BBC3: variants seen among roughly 807,000 people sequenced by gnomAD.
The protein encoded by BBC3 is BCL2 binding component 3.
In BBC3, 5 loss-of-function variants were observed where a neutral mutation model predicts 18.2. The observed-to-expected ratio is 0.27, with a 90% confidence interval of 0.14 to 0.58. The LOEUF (loss-of-function observed/expected upper bound fraction) is 0.58, where lower values mean the gene tolerates loss of function less well. Among genes scored for constraint, BBC3 ranks in the 20% least tolerant of loss-of-function variants. The pLI is 0.91. For synonymous variants in BBC3, 119 were observed against 128.0 expected, an observed-to-expected ratio of 0.93 and a Z score of 0.47; for missense variants, 224 against 268.9, an observed-to-expected ratio of 0.83 and a Z score of 1.17.
Position 47,221,660 on chromosome 19 carries a change from C to G in BBC3, c.*142G>C. ...TGGGCTGGGGCTGGAGTGGCTGCCC[C>G]GGCCCGCCCCCGGGACAGGCAGGGC... On this transcript the variant is annotated 3_prime_UTR_variant, in exon 4 of 4. Coordinates refer to ENST00000439096, the MANE Select transcript of BBC3 (RefSeq NM_014417.5). 1 of 1,512,862 alleles carries G rather than the reference C, an allele frequency of 6.6e-7. No individual in the cohort carries two copies. Among genetic ancestry groups the G allele is most frequent in the Non-Finnish European group, 8.8e-7 (1 of 1,132,470 alleles). The allele number at this position is 1,512,862 out of a possible 1,614,324, so 93.7% of individuals were successfully genotyped here.
intron 1 of BBC3, among the ~76,000 whole-genome samples, chr19:47,229,908 T>A (rs1350316070): frequency 6.6e-6 from 1 of 151,832 alleles, no homozygotes; most frequent in African/African-American, 2.4e-5. Context: ...TCACAAACGC[T>A]GGGCAAAAGA....
upstream of BBC3, chr19:47,232,700 A>C (rs576544853): frequency 3.5e-6 from 4 of 1,130,162 alleles, no homozygotes; most frequent in Non-Finnish European, 5.0e-6. Flanking sequence ...CTTTTTCCAA[A>C]GCCGTGGATT....
At chr19:47,229,647 AAC>A (rs142740252) in intron 1 of BBC3, among the ~76,000 whole-genome samples, 37 of 147,360 alleles carry the variant, frequency 2.5e-4, no homozygotes, top group Non-Finnish European at 3.8e-4. Context: ...CCTCAGACCC[AAC>A]ACACACACAC....
Position 47,228,131 on chromosome 19 carries a change from C to G in BBC3, c.274+27G>C, listed in dbSNP as rs1052493543. 1 of 1,227,230 alleles carries G rather than the reference C, an allele frequency of 8.1e-7. No individual in the cohort carries two copies. Among genetic ancestry groups the G allele is most frequent in the Non-Finnish European group, 1.0e-6 (1 of 983,862 alleles). The allele number at this position is 1,227,230 out of a possible 1,614,324, so 76.0% of individuals were successfully genotyped here. A position where few individuals can be genotyped will look rare whatever the true frequency, so the allele number is the denominator to read the frequency against. ...AGCCCTCTCTCTTCCCGGCTCCTAT[C>G]ACCCCGGGGGCGGGGCGGGCACTCA... On this transcript the variant is annotated intron_variant, in intron 2 of 3. Transcript: ENST00000439096. The surrounding 1 kb of genome is among the most constrained non-coding windows in gnomAD (Gnocchi z 5.5).
rs1201944029 is a variant in BBC3, at chr19:47,230,393, T to C, written c.-16+536A>G. On this transcript the variant is annotated intron_variant, in intron 1 of 3. Transcript: ENST00000439096. This position sits in a 1 kb window ranked among gnomAD's most constrained non-coding sequence, Gnocchi z 6.7. Reference sequence around the variant, plus strand: ...GGCGGTCCCAGACACCCCCCTCCGCTGTCACAGCCCCCCCCACCGCCGCCA... The same window carrying C: ...GGCGGTCCCAGACACCCCCCTCCGCCGTCACAGCCCCCCCCACCGCCGCCA... Among the ~76,000 whole-genome samples, 2 of 142,752 alleles carry C rather than the reference T, an allele frequency of 1.4e-5. No homozygotes were observed. The highest frequency in any genetic ancestry group is 6.8e-5 in the Admixed American group (1 of 14,718). 93.7% of individuals were successfully genotyped at this position (142,752 alleles called of 152,430 possible).
chr19:47,226,697 G>A lies in BBC3; in HGVS notation c.332C>T (p.Ala111Val), dbSNP rs1205891261. 4.7e-6 allele frequency: 7 copies of A among 1,479,152 alleles called. No homozygotes were observed. In the South Asian group the frequency reaches 5.3e-5, roughly 11 times the overall value. The allele number at this position is 1,479,152 out of a possible 1,614,324, so 91.6% of individuals were successfully genotyped here. The change falls in exon 3 of 4, where the codon GCC (alanine) becomes GTC (valine). Residue 111 changes from alanine (A) to valine (V), a missense_variant. Coordinates refer to ENST00000439096, the MANE Select transcript of BBC3 (RefSeq NM_014417.5). The stretch of plus-strand genomic sequence containing the variant: ...GGGACCGCCCGCCAGAGCCCCCGGG[G>A]CGCTGGGCACGGGCGACTCCAGGTG... ...EQHLESPVPS[A>V]PGALAGGPTQ...
chr19:47,226,877 T>A, intron 2 of BBC3, 123 bp from the exon 3 acceptor site: 3 of 874,658 alleles, frequency 3.4e-6, no homozygotes, highest in South Asian at 2.3e-5. Flanking sequence ...CCATCGCTAG[T>A]GAGTCAATTT....
chr19:47,229,754 C>T (rs1411007365), intron 1 of BBC3, among the ~76,000 whole-genome samples: 4 of 151,946 alleles, frequency 2.6e-5, no homozygotes, highest in Non-Finnish European at 5.9e-5. Flanking sequence ...CCTCAAATCC[C>T]AGACGCTGAT....
Position 47,230,346 on chromosome 19 carries a change from C to T in BBC3, c.-16+583G>A, listed in dbSNP as rs2058894621. On this transcript the variant is annotated intron_variant, in intron 1 of 3. Transcript: ENST00000439096. The surrounding 1 kb of genome is among the most constrained non-coding windows in gnomAD (Gnocchi z 6.7). ...AGGCGAGACACCTGCAGATCCACAA[C>T]CCCGCACACGCGCGCTCCCACGGCG... is the stretch of plus-strand genomic sequence containing the variant. Among the ~76,000 whole-genome samples, 1 of 152,044 alleles carries T rather than the reference C, an allele frequency of 6.6e-6. No homozygotes were observed. The highest frequency in any genetic ancestry group is 1.5e-5 in the Non-Finnish European group (1 of 67,942).
At position 47,228,025 on chromosome 19, in the gene BBC3, T is replaced by C. The variant is rs1391378096; in HGVS notation, c.274+133A>G. ...GCTTCTTGCAACACAAAGACCACATTGGCCACACCCTCCCAGTGGCCCGGC... is the reference window on the plus strand; with the variant it reads ...GCTTCTTGCAACACAAAGACCACATCGGCCACACCCTCCCAGTGGCCCGGC... On this transcript the variant is annotated intron_variant, in intron 2 of 3. Coordinates refer to ENST00000439096, the MANE Select transcript of BBC3 (RefSeq NM_014417.5). This position sits in a 1 kb window ranked among gnomAD's most constrained non-coding sequence, Gnocchi z 5.5. 8.9e-5 allele frequency: 61 copies of C among 687,890 alleles called. No individual in the cohort carries two copies. The highest frequency in any genetic ancestry group is 1.2e-4 in the Non-Finnish European group (60 of 500,588). 42.6% of individuals were successfully genotyped at this position (687,890 alleles called of 1,614,324 possible).
rs3810293 is a variant in BBC3, at chr19:47,228,539, G to C, written c.-15-93C>G. ...CCGGGGTTAGGACCCAGATGGAGAA[G>C]AGTGGAGGTGTGTGTGCATGCGGAG... is the stretch of plus-strand genomic sequence containing the variant. On this transcript the variant is annotated intron_variant, in intron 1 of 3. Coordinates refer to ENST00000439096, the MANE Select transcript of BBC3 (RefSeq NM_014417.5). The surrounding 1 kb of genome is among the most constrained non-coding windows in gnomAD (Gnocchi z 5.5). The C allele has an allele frequency of 0.015, 17,294 of 1,144,908 alleles. 1,051 individuals are homozygous for C. In the East Asian group the frequency reaches 0.24, roughly 16 times the overall value. 70.9% of individuals were successfully genotyped at this position (1,144,908 alleles called of 1,614,324 possible).
At chr19:47,226,526 A>AT in intron 3 of BBC3, 38 bp downstream of exon 3, 5 of 1,443,040 alleles carry the variant, frequency 3.5e-6, no homozygotes, top group Non-Finnish European at 4.6e-6. Flanking sequence ...CCTCCGGCGG[A>AT]AGTCCCACCT....
In BBC3 at chr19:47,228,100, G is replaced by A; in HGVS notation, c.274+58C>T. The A allele has an allele frequency of 8.4e-7, 1 of 1,193,200 alleles. No individual in the cohort carries two copies. Among genetic ancestry groups the A allele is most frequent in the Non-Finnish European group, 1.0e-6 (1 of 955,122 alleles). The allele number at this position is 1,193,200 out of a possible 1,614,324, so 73.9% of individuals were successfully genotyped here. Reference sequence around the variant, plus strand: ...TCTCCCACTTCTCCAGTTCCTCCGAGTCTCCAGCCCTCTCTCTTCCCGGCT... The same window carrying A: ...TCTCCCACTTCTCCAGTTCCTCCGAATCTCCAGCCCTCTCTCTTCCCGGCT... On this transcript the variant is annotated intron_variant, in intron 2 of 3. Coordinates refer to ENST00000439096, the MANE Select transcript of BBC3 (RefSeq NM_014417.5). The surrounding 1 kb of genome is among the most constrained non-coding windows in gnomAD (Gnocchi z 5.5).
At chr19:47,231,333 C>G (rs1302396497), upstream of BBC3, 1 of 460,976 alleles carries the variant, frequency 2.2e-6, no homozygotes, top group African/African-American at 2.1e-5. The surrounding 1 kb of genome is among the most constrained non-coding windows in gnomAD (Gnocchi z 4.0). Flanking sequence ...CAAGTCAGGA[C>G]TTGCAGGCGC....
At position 47,230,898 on chromosome 19, in the gene BBC3, G is replaced by T; in HGVS notation, c.-16+31C>A. 2.0e-6 allele frequency: 2 copies of T among 982,210 alleles called. No homozygotes were observed. The highest frequency in any genetic ancestry group is 1.2e-6 in the Non-Finnish European group (1 of 827,204). 60.8% of individuals were successfully genotyped at this position (982,210 alleles called of 1,614,324 possible). ...AGTCCACCCGGCCTGGCCGATCGCC[G>T]CCGGAGAGGATTCGGGGCGCGCACA... On this transcript the variant is annotated intron_variant, in intron 1 of 3. Transcript: ENST00000439096. The surrounding 1 kb of genome is among the most constrained non-coding windows in gnomAD (Gnocchi z 6.7).
chr19:47,221,239 G>A lies in BBC3; in HGVS notation c.*563C>T, dbSNP rs1001898189. On this transcript the variant is annotated 3_prime_UTR_variant, in exon 4 of 4. Coordinates refer to ENST00000439096, the MANE Select transcript of BBC3 (RefSeq NM_014417.5). ...GAGGCAGGCATGCCCACCACCCGCCGGCTGGCTCAGGGAAGATGGCTGGGC... is the reference window on the plus strand; with the variant it reads ...GAGGCAGGCATGCCCACCACCCGCCAGCTGGCTCAGGGAAGATGGCTGGGC... 1.7e-5 allele frequency: 3 copies of A among 175,860 alleles called. No individual in the cohort carries two copies. The highest frequency in any genetic ancestry group is 6.4e-5 in the Admixed American group (1 of 15,704). The allele number at this position is 175,860 out of a possible 1,614,324, so 10.9% of individuals were successfully genotyped here.
chr19:47,227,105 G>A (rs890670658), intron 2 of BBC3: 6 of 195,200 alleles, frequency 3.1e-5, no homozygotes, highest in Non-Finnish European at 5.3e-5. Context: ...ACTGAGGCCC[G>A]CCCTTAGGGA....
At position 47,221,622 on chromosome 19, in the gene BBC3, G is replaced by A; in HGVS notation, c.*180C>T. The A allele has an allele frequency of 7.6e-7, 1 of 1,310,980 alleles. No homozygotes were observed. Among genetic ancestry groups the A allele is most frequent in the African/African-American group, 1.5e-5 (1 of 66,042 alleles). The allele number at this position is 1,310,980 out of a possible 1,614,324, so 81.2% of individuals were successfully genotyped here. A position where few individuals can be genotyped will look rare whatever the true frequency, so the allele number is the denominator to read the frequency against. ...GACCCAGGAGTCCGCATCTCCGTCA[G>A]TGCACCCCAGGCTGGGCTGGGGCTG... On this transcript the variant is annotated 3_prime_UTR_variant, in exon 4 of 4. Transcript: ENST00000439096.
intron 3 of BBC3, among the ~76,000 whole-genome samples, chr19:47,225,790 C>T (rs2058808879): frequency 1.3e-5 from 2 of 152,004 alleles, no homozygotes; most frequent in Admixed American, 1.3e-4. Context: ...GATTCTAAGC[C>T]CTGGTTCTGG....
Sources: allele counts gnomAD v4.1 joint callset (sites outside exome capture counted in the v4.1 genomes callset), GRCh38; gene constraint gnomAD v4.1.1; non-coding constraint Gnocchi (gnomAD v3.1); transcripts MANE v1.5; gene names NCBI Gene and HGNC (gene_info 2026-07-23, HGNC 2026-07-21).